Variants in ERBIN observed in about 807,000 individuals in gnomAD.
The protein encoded by ERBIN is densin-180-like protein.
Under a neutral mutation model 158.4 loss-of-function variants are expected in ERBIN, and 60 were observed. That is an observed-to-expected ratio of 0.38 (90% CI 0.31 to 0.47). The LOEUF is 0.47. Ranked by LOEUF, ERBIN falls within the 20% of genes least tolerant of loss-of-function variation. The pLI is 0.99. For synonymous variants in ERBIN, 594 were observed against 557.2 expected (o/e 1.07, Z -0.93); for missense variants, 1,610 against 1,648.0 (o/e 0.98, Z 0.40).
chr5:65,940,609 C>T (rs1370837870), intron 1 of ERBIN, among the ~76,000 whole-genome samples: 1 of 141,898 alleles, frequency 7.0e-6, no homozygotes, highest in Admixed American at 6.8e-5. Flanking sequence ...TGAGGAGCCC[C>T]TCTGCCCGGC....
At chr5:66,074,897 A>C in intron 22 of ERBIN, 127 bp from the exon 23 acceptor site, 1 of 720,494 alleles carries the variant, frequency 1.4e-6, no homozygotes. Flanking sequence ...AGTAAGTGGC[A>C]TGGTATTGTT....
At chr5:65,952,503 T>G (rs1311237515) in intron 1 of ERBIN, among the ~76,000 whole-genome samples, 1 of 152,010 alleles carries the variant, frequency 6.6e-6, no homozygotes, top group Non-Finnish European at 1.5e-5. Context: ...GTGATTATAA[T>G]GAGACCATGG....
At chr5:66,061,041 T>A (rs1187067295) in intron 21 of ERBIN, among the ~76,000 whole-genome samples, 1 of 152,158 alleles carries the variant, frequency 6.6e-6, no homozygotes, top group Non-Finnish European at 1.5e-5. Context: ...GGTGGAGAGT[T>A]CTGTAGATGT....
chr5:66,048,774 CA>C lies in ERBIN; in HGVS notation c.1902del (p.Asp635MetfsTer50). ...QPKVVALSNN[K>X]KDDTKETDSL... ...CAAAAGTCGTAGCACTTAGTAATAA[CA>C]AAAAAGGTTAGATGTTAAAGGAAAG... On this transcript the variant is annotated frameshift_variant, in exon 19 of 26. Coordinates refer to ENST00000284037, the MANE Select transcript of ERBIN (RefSeq NM_001253697.2). LOFTEE classifies it high-confidence loss of function. The C allele has an allele frequency of 6.4e-7, 1 of 1,574,096 alleles. No homozygotes were observed. Among genetic ancestry groups the C allele is most frequent in the Non-Finnish European group, 8.6e-7 (1 of 1,161,018 alleles).
intron 1 of ERBIN, among the ~76,000 whole-genome samples, chr5:65,943,043 G>A (rs914856028): frequency 6.6e-6 from 1 of 152,150 alleles, no homozygotes; most frequent in African/African-American, 2.4e-5. Flanking sequence ...CATTCATGCA[G>A]TATATTTGTT....
At chr5:66,025,112 A>G (rs141405050) in intron 10 of ERBIN, among the ~76,000 whole-genome samples, 1,690 of 152,232 alleles carry the variant, frequency 0.011, 34 homozygotes, top group African/African-American at 0.037. Flanking sequence ...AACTACCTTC[A>G]TACTACCATT....
intron 1 of ERBIN, among the ~76,000 whole-genome samples, chr5:65,971,710 A>G (rs968295586): frequency 1.3e-5 from 2 of 152,292 alleles, no homozygotes; most frequent in South Asian, 4.2e-4. Flanking sequence ...CATATGGTAG[A>G]AGGCGGCAGC....
intron 6 of ERBIN, 116 bp downstream of exon 6, chr5:66,013,754 T>C: frequency 1.6e-6 from 1 of 610,878 alleles, no homozygotes; most frequent in East Asian, 2.9e-5. Context: ...TTTAAATTAT[T>C]CCCAAGCATT....
In ERBIN at chr5:65,932,020, G is replaced by A. The variant is rs182769692; in HGVS notation, c.-58+5214G>A. Among the ~76,000 whole-genome samples, 157 of 151,906 alleles carry A rather than the reference G, an allele frequency of 1.0e-3. 2 individuals carry two copies. The highest frequency in any genetic ancestry group is 8.6e-3 in the Admixed American group (132 of 15,274). ...TTTTGTAGAGACAGGGTTTCTCCAC[G>A]TTGGTCAGGCTGGTCTTGAACTCCT... On this transcript the variant is annotated intron_variant, in intron 1 of 25. Transcript: ENST00000284037.
chr5:65,983,257 C>T (rs1197134753), intron 1 of ERBIN, among the ~76,000 whole-genome samples: 1 of 152,084 alleles, frequency 6.6e-6, no homozygotes, highest in African/African-American at 2.4e-5. Flanking sequence ...TGTTGATCTT[C>T]TAGTTATAAG....
At chr5:65,935,559 A>G (rs986572858) in intron 1 of ERBIN, among the ~76,000 whole-genome samples, 2 of 152,226 alleles carry the variant, frequency 1.3e-5, no homozygotes, top group Admixed American at 6.5e-5. Flanking sequence ...TTCCGTGATA[A>G]AGTACATTTA....
At chr5:66,076,842 T>G in intron 24 of ERBIN, 33 bp from the exon 25 acceptor site, 1 of 1,492,838 alleles carries the variant, frequency 6.7e-7, no homozygotes, top group South Asian at 1.2e-5. Context: ...ATACATACTG[T>G]TTTTAGTTAA....
intron 21 of ERBIN, among the ~76,000 whole-genome samples, chr5:66,062,488 C>G (rs1760515980): frequency 6.6e-6 from 1 of 152,100 alleles, no homozygotes; most frequent in Non-Finnish European, 1.5e-5. Context: ...TTGGTTTGAA[C>G]TTCCTCCTTT....
intron 22 of ERBIN, among the ~76,000 whole-genome samples, chr5:66,074,045 ATTTTTTTTTTTTTT>A (rs397884229): frequency 1.1e-5 from 1 of 91,936 alleles, no homozygotes; most frequent in East Asian, 4.0e-4. Flanking sequence ...TGCCCAGCTA[ATTTTTTTTTTTTTT>A]TTTTTTTTTT....
At chr5:65,935,215 T>A (rs776188173) in intron 1 of ERBIN, among the ~76,000 whole-genome samples, 1 of 152,206 alleles carries the variant, frequency 6.6e-6, no homozygotes, top group Non-Finnish European at 1.5e-5. Flanking sequence ...ATTGGGGTAC[T>A]AAGTGCATTT....
chr5:65,953,991 C>A (rs1746804483), intron 1 of ERBIN, among the ~76,000 whole-genome samples: 1 of 151,866 alleles, frequency 6.6e-6, no homozygotes. Context: ...TGTTGGTTTC[C>A]CTACACTCGT....
At chr5:65,940,533 C>T (rs1744804013) in intron 1 of ERBIN, among the ~76,000 whole-genome samples, 2 of 140,748 alleles carry the variant, frequency 1.4e-5, no homozygotes, top group Admixed American at 6.8e-5. Flanking sequence ...GGTCAGCCCC[C>T]TGCCCGGCCA....
At chr5:65,965,379 GTTGTTTTTTT>G (rs1748458279) in intron 1 of ERBIN, among the ~76,000 whole-genome samples, 50 of 103,650 alleles carry the variant, frequency 4.8e-4, no homozygotes, top group Non-Finnish European at 7.2e-4. Flanking sequence ...TTTGTTTTTT[GTTGTTTTTTT>G]TTTTTTTTTT....
chr5:66,048,476 A>G (rs956876599), intron 18 of ERBIN, among the ~76,000 whole-genome samples, 191 bp from the exon 19 acceptor site: 1 of 152,022 alleles, frequency 6.6e-6, no homozygotes, highest in African/African-American at 2.4e-5. Context: ...TAATGGTGCC[A>G]TGAAAAGGAT....
Sources: allele counts gnomAD v4.1 joint callset (sites outside exome capture counted in the v4.1 genomes callset), GRCh38; gene constraint gnomAD v4.1.1; transcripts MANE v1.5; gene names NCBI Gene and HGNC (gene_info 2026-07-23, HGNC 2026-07-21).